HDX: variants seen among roughly 807,000 people sequenced by gnomAD.
HDX encodes highly divergent homeobox.
HDX carries 19 observed loss-of-function variants against 45.2 expected under a neutral mutation model. That is an observed-to-expected ratio of 0.42 (90% CI 0.29 to 0.62). HDX has a LOEUF of 0.62. HDX is among the 20% of genes least tolerant of loss of function. The probability of loss-of-function intolerance (pLI) is 0.20; values close to 1 mark genes in which losing one functional copy is unlikely to be tolerated. For missense variants in HDX, 532 were observed against 493.9 expected (o/e 1.08, Z -0.73); for synonymous variants, 188 against 172.8 (o/e 1.09, Z -0.69).
intron 5 of HDX, among the ~76,000 whole-genome samples, chrX:84,381,790 G>C (rs2038194369): frequency 9.0e-6 from 1 of 110,741 alleles, no homozygotes; most frequent in Non-Finnish European, 1.9e-5. Context: ...ACATTGGGCT[G>C]GGCAAAAATT....
intron 4 of HDX, among the ~76,000 whole-genome samples, chrX:84,446,536 A>G (rs967638117): frequency 9.0e-6 from 1 of 111,600 alleles, no homozygotes; most frequent in African/African-American, 3.3e-5. Flanking sequence ...TTTAAAATAA[A>G]TCAAACACAA....
intron 5 of HDX, among the ~76,000 whole-genome samples, chrX:84,370,893 T>C (rs1250342387): frequency 8.9e-6 from 1 of 112,519 alleles, no homozygotes; most frequent in African/African-American, 3.2e-5. Flanking sequence ...GTTATTTTTA[T>C]TCTAAACCTA....
chrX:84,430,836 TTCTC>T (rs1357350532), intron 5 of HDX, among the ~76,000 whole-genome samples: 1 of 110,647 alleles, frequency 9.0e-6, no homozygotes, highest in Non-Finnish European at 1.9e-5. Context: ...TCTTTCTTTC[TTCTC>T]TTTTTCTCTC....
Position 84,469,090 on chromosome X carries a change from T to G in HDX, c.633A>C (p.Gln211His). 1 of 1,211,823 alleles carries G rather than the reference T, an allele frequency of 8.3e-7. No homozygotes were observed. The highest frequency in any genetic ancestry group is 3.0e-5 in the East Asian group (1 of 33,832). ...AAGGTCGGTGGCACACAGAAGGCTT[T>G]TGAGGTACTGTCATTTCAGAAGCTT... is the stretch of plus-strand genomic sequence containing the variant. ...SVQASEMTVP[Q>H]KPSVCHRPCK... The change falls in exon 4 of 11, where the codon CAA becomes CAC. Residue 211 changes from glutamine (Q) to histidine (H), a missense_variant. Around this residue, in one of 3 missense-constraint regions of HDX, gnomAD observed 376 missense variants for 343.7 expected, o/e 1.09. Transcript: ENST00000373177.
intron 5 of HDX, 78 bp downstream of exon 5, chrX:84,440,454 T>C (rs1199622268): frequency 1.3e-5 from 9 of 681,771 alleles, no homozygotes; most frequent in East Asian, 9.9e-5. Context: ...TTTACAAATA[T>C]GGCAATTTTC....
At chrX:84,400,905 T>C (rs1285211108) in intron 5 of HDX, among the ~76,000 whole-genome samples, 1 of 111,295 alleles carries the variant, frequency 9.0e-6, no homozygotes, top group Non-Finnish European at 1.9e-5. Context: ...ACCACACATG[T>C]ACATCCATCT....
chrX:84,429,178 T>C (rs1214981364), intron 5 of HDX, among the ~76,000 whole-genome samples: 2 of 110,628 alleles, frequency 1.8e-5, no homozygotes, highest in African/African-American at 6.5e-5. Context: ...TAATTTTAAT[T>C]ACCATATAAG....
intron 5 of HDX, among the ~76,000 whole-genome samples, chrX:84,419,803 G>A (rs920146190): frequency 8.9e-5 from 10 of 112,131 alleles, no homozygotes; most frequent in African/African-American, 3.2e-4. Flanking sequence ...TCAGGTTTAG[G>A]TGGGTCAGAA....
In HDX at chrX:84,501,460, T is replaced by A. The variant is rs773277822; in HGVS notation, c.-110+882A>T. On this transcript the variant is annotated intron_variant, in intron 1 of 10. Transcript: ENST00000373177. Reference sequence around the variant, plus strand: ...CCTCCACAATGGACTTCATTCTGAGTCTTTCCAAAGAATTTAAGGTTCAAA... The same window carrying A: ...CCTCCACAATGGACTTCATTCTGAGACTTTCCAAAGAATTTAAGGTTCAAA... 4 of 111,845 alleles carry A rather than the reference T, an allele frequency of 3.6e-5. No individual in the cohort carries two copies. In the East Asian group the frequency reaches 8.4e-4, roughly 24 times the overall value. The allele number at this position is 111,845 out of a possible 1,213,427, so 9.2% of individuals were successfully genotyped here.
At position 84,445,467 on chromosome X, in the gene HDX, G is replaced by T. The variant is rs188459011; in HGVS notation, c.1252-4882C>A. 3.1e-3 allele frequency among the ~76,000 whole-genome samples: 344 copies of T among 109,513 alleles called. 1 individual carries two copies. Among genetic ancestry groups the T allele is most frequent in the African/African-American group, 0.011 (339 of 30,225 alleles). Reference sequence around the variant, plus strand: ...GTGTACAGCACAGAGAACATTGCTGGGCATATGATAGCACTCAATAAATAT... The same window carrying T: ...GTGTACAGCACAGAGAACATTGCTGTGCATATGATAGCACTCAATAAATAT... On this transcript the variant is annotated intron_variant, in intron 4 of 10. Transcript: ENST00000373177.
intron 4 of HDX, among the ~76,000 whole-genome samples, chrX:84,449,089 G>A (rs1288873452): frequency 9.2e-6 from 1 of 108,336 alleles, no homozygotes; most frequent in Non-Finnish European, 1.9e-5. Flanking sequence ...GGGAAGATAG[G>A]TCTTTTGAAA....
intron 4 of HDX, among the ~76,000 whole-genome samples, chrX:84,467,787 C>G (rs1161857045): frequency 9.0e-6 from 1 of 111,368 alleles, no homozygotes; most frequent in Non-Finnish European, 1.9e-5. Flanking sequence ...GCTTACACCT[C>G]ACTGTTAATG....
chrX:84,464,015 G>A (rs2040293255), intron 4 of HDX, among the ~76,000 whole-genome samples: 3 of 111,075 alleles, frequency 2.7e-5, no homozygotes, highest in Admixed American at 9.6e-5. Flanking sequence ...ATAGTATCAC[G>A]GCTTGAAGAT....
chrX:84,338,199 A>G (rs2037008327), intron 7 of HDX, among the ~76,000 whole-genome samples: 3 of 111,008 alleles, frequency 2.7e-5, no homozygotes, highest in African/African-American at 9.8e-5. Context: ...TGGTCGATCC[A>G]GGAACTCACA....
At chrX:84,486,161 TTTA>T (rs1442166068) in intron 2 of HDX, among the ~76,000 whole-genome samples, 1 of 110,641 alleles carries the variant, frequency 9.0e-6, no homozygotes, top group East Asian at 2.8e-4. Context: ...GGTATTCTGT[TTTA>T]ATTTTTTTTT....
chrX:84,399,526 C>G (rs112701118), intron 5 of HDX, among the ~76,000 whole-genome samples: 1 of 109,743 alleles, frequency 9.1e-6, no homozygotes, highest in Non-Finnish European at 1.9e-5. Flanking sequence ...GAAATCTATT[C>G]CCTGAATAGA....
intron 5 of HDX, among the ~76,000 whole-genome samples, chrX:84,412,856 T>G (rs1322268746): frequency 8.9e-6 from 1 of 112,276 alleles, no homozygotes; most frequent in African/African-American, 3.2e-5. Flanking sequence ...AGAGGTTTTG[T>G]ACATTCTGTA....
At chrX:84,394,071 T>G (rs1182909994) in intron 5 of HDX, among the ~76,000 whole-genome samples, 2 of 111,011 alleles carry the variant, frequency 1.8e-5, no homozygotes, top group African/African-American at 6.5e-5. Flanking sequence ...TGCTTTTCCC[T>G]GAGATGCATG....
At chrX:84,404,627 G>A (rs1433211883) in intron 5 of HDX, among the ~76,000 whole-genome samples, 1 of 111,236 alleles carries the variant, frequency 9.0e-6, no homozygotes, top group Non-Finnish European at 1.9e-5. Context: ...GTTTATAGAA[G>A]TGAGATATAA....
Sources: allele counts gnomAD v4.1 joint callset (sites outside exome capture counted in the v4.1 genomes callset), GRCh38; gene constraint gnomAD v4.1.1; regional missense constraint gnomAD v4.1.1; transcripts MANE v1.5; gene names NCBI Gene and HGNC (gene_info 2026-07-23, HGNC 2026-07-21).